IMMP2L: variants seen among roughly 807,000 people sequenced by gnomAD.
IMMP2L encodes the protein mitochondrial inner membrane protease subunit 2.
A neutral mutation model predicts 19.3 loss-of-function variants in IMMP2L; 18 were observed. The observed-to-expected ratio is 0.93, with a 90% CI of 0.64 to 1.38. The LOEUF (loss-of-function observed/expected upper bound fraction) is 1.38, where lower values mean the gene tolerates loss of function less well. Among genes scored for constraint, IMMP2L ranks in the 40% most tolerant of loss-of-function variants. The pLI, the probability that IMMP2L is intolerant of heterozygous loss-of-function variation, is 0.00. For synonymous variants in IMMP2L, 76 were observed against 73.0 expected (o/e 1.04, Z -0.21); for missense variants, 233 against 218.2 (o/e 1.07, Z -0.43).
At chr7:111,135,450 G>A (rs555702388) in intron 3 of IMMP2L, among the ~76,000 whole-genome samples, 7 of 152,194 alleles carry the variant, frequency 4.6e-5, no homozygotes, top group Admixed American at 2.6e-4. Context: ...CACTGTGACA[G>A]AGCTGTGTCT....
At chr7:111,277,650 C>G (rs1228095194) in intron 3 of IMMP2L, among the ~76,000 whole-genome samples, 1 of 150,780 alleles carries the variant, frequency 6.6e-6, no homozygotes, top group African/African-American at 2.4e-5. Flanking sequence ...AATTTCAGTA[C>G]AACCTTTATG....
At chr7:110,849,440 T>C (rs986610646) in intron 5 of IMMP2L, among the ~76,000 whole-genome samples, 4 of 152,070 alleles carry the variant, frequency 2.6e-5, no homozygotes, top group African/African-American at 9.7e-5. Context: ...ATATCACTCA[T>C]AGTCCCTTAA....
At chr7:110,732,103 A>T (rs1796309864) in intron 5 of IMMP2L, among the ~76,000 whole-genome samples, 1 of 152,136 alleles carries the variant, frequency 6.6e-6, no homozygotes, top group Non-Finnish European at 1.5e-5. Context: ...GTACTGGGAG[A>T]ACATGTATGA....
chr7:110,988,098 T>C (rs1822047218), intron 3 of IMMP2L, among the ~76,000 whole-genome samples: 1 of 152,152 alleles, frequency 6.6e-6, no homozygotes, highest in African/African-American at 2.4e-5. Flanking sequence ...GGAGGTAAGA[T>C]TTAGGGTTAT....
At chr7:111,097,924 C>T (rs928488663) in intron 3 of IMMP2L, among the ~76,000 whole-genome samples, 2 of 151,760 alleles carry the variant, frequency 1.3e-5, no homozygotes, top group African/African-American at 4.8e-5. Context: ...TGACCTTAAA[C>T]TGCAGGTGCC....
rs376133871 is a variant in IMMP2L at position 110,870,936 on chromosome 7, G to A, written c.408+15657C>T. On this transcript the variant is annotated intron_variant, in intron 5 of 5. Transcript: ENST00000405709. This position sits in a 1 kb window ranked among gnomAD's most constrained non-coding sequence, Gnocchi z 4.2. ...CTGCAGCTGCCACAGAGACGCTGAC[G>A]TTTAGAAGATGAAGAGGGGAAGCAT... Among the ~76,000 whole-genome samples, 107 of 152,258 alleles carry A rather than the reference G, an allele frequency of 7.0e-4. 2 individuals are homozygous for A. The highest frequency in any genetic ancestry group is 2.4e-3 in the African/African-American group (100 of 41,566).
intron 3 of IMMP2L, among the ~76,000 whole-genome samples, chr7:111,205,624 T>TA (rs375116537): frequency 6.7e-4 from 100 of 150,224 alleles, no homozygotes; most frequent in East Asian, 2.3e-3. Context: ...TCCATATCAG[T>TA]AAAAAAAAAC....
chr7:110,919,254 A>G (rs985303959), intron 4 of IMMP2L, among the ~76,000 whole-genome samples: 3 of 152,196 alleles, frequency 2.0e-5, no homozygotes, highest in Non-Finnish European at 4.4e-5. Flanking sequence ...CTGGTAATTA[A>G]TTTCTGATTG....
chr7:111,285,238 G>T (rs552319961), intron 3 of IMMP2L, among the ~76,000 whole-genome samples: 6 of 152,148 alleles, frequency 3.9e-5, no homozygotes, highest in Non-Finnish European at 7.3e-5. Context: ...TTAGTACAAT[G>T]TAACAGCCTA....
At chr7:110,843,928 G>A (rs1021024210) in intron 5 of IMMP2L, among the ~76,000 whole-genome samples, 1 of 152,168 alleles carries the variant, frequency 6.6e-6, no homozygotes, top group Non-Finnish European at 1.5e-5. Flanking sequence ...AAGGGCAGGA[G>A]AGATCTCTGG....
At chr7:111,046,654 A>G (rs887274887) in intron 3 of IMMP2L, among the ~76,000 whole-genome samples, 4 of 152,236 alleles carry the variant, frequency 2.6e-5, no homozygotes, top group African/African-American at 7.2e-5. Flanking sequence ...CAGCTAAACT[A>G]TTAGTCAAGA....
intron 3 of IMMP2L, among the ~76,000 whole-genome samples, chr7:111,109,501 A>G (rs1798940405): frequency 6.6e-6 from 1 of 152,206 alleles, no homozygotes; most frequent in African/African-American, 2.4e-5. Context: ...GGGGGCAATC[A>G]AGTACATATA....
At chr7:111,423,813 C>T (rs1194629436) in intron 3 of IMMP2L, among the ~76,000 whole-genome samples, 1 of 151,714 alleles carries the variant, frequency 6.6e-6, no homozygotes, top group Non-Finnish European at 1.5e-5. Flanking sequence ...AAGATCAGTG[C>T]AGAAGTGAAA....
chr7:110,743,657 G>A (rs1797134939), intron 5 of IMMP2L, among the ~76,000 whole-genome samples: 1 of 152,264 alleles, frequency 6.6e-6, no homozygotes, highest in Non-Finnish European at 1.5e-5. Flanking sequence ...GCAGGGTGGG[G>A]CATCACCTCA....
chr7:111,031,394 G>GTA (rs1790801046), intron 3 of IMMP2L, among the ~76,000 whole-genome samples: 1 of 75,322 alleles, frequency 1.3e-5, no homozygotes, highest in Non-Finnish European at 2.8e-5. Flanking sequence ...GTGTGTGTGT[G>GTA]TGTGTGTGTG....
intron 3 of IMMP2L, among the ~76,000 whole-genome samples, chr7:111,317,686 C>G (rs1824256888): frequency 6.6e-6 from 1 of 152,110 alleles, no homozygotes; most frequent in Non-Finnish European, 1.5e-5. Context: ...AAGGCTGCTA[C>G]AAACAATCTG....
intron 3 of IMMP2L, among the ~76,000 whole-genome samples, chr7:111,053,952 T>TA (rs1015742257): frequency 6.6e-5 from 10 of 152,142 alleles, no homozygotes; most frequent in Non-Finnish European, 1.5e-4. Flanking sequence ...GGTAAGGTAA[T>TA]AAAAAAACAA....
intron 3 of IMMP2L, among the ~76,000 whole-genome samples, chr7:110,970,067 T>C (rs1819974963): frequency 6.6e-6 from 1 of 152,130 alleles, no homozygotes; most frequent in South Asian, 2.1e-4. Context: ...TTAGGAAAAA[T>C]TTAATAAGCA....
intron 4 of IMMP2L, among the ~76,000 whole-genome samples, chr7:110,930,902 G>T (rs1815403715): frequency 6.6e-6 from 1 of 152,154 alleles, no homozygotes; most frequent in Non-Finnish European, 1.5e-5. Context: ...TTATCCTTTA[G>T]TACCCAGCAA....
Sources: gnomAD v4.1 joint callset for allele counts (sites outside exome capture counted in the v4.1 genomes callset) on GRCh38, gnomAD v4.1.1 for gene constraint, Gnocchi (gnomAD v3.1) non-coding constraint, MANE v1.5 for transcripts, NCBI Gene and HGNC (gene_info 2026-07-23, HGNC 2026-07-21) for gene names.